MARCHF6: variants seen among roughly 807,000 people sequenced by gnomAD.
MARCHF6 encodes the protein membrane associated ring-CH-type finger 6.
A neutral mutation model predicts 133.7 loss-of-function variants in MARCHF6; 31 were observed. That is an observed-to-expected ratio of 0.23 (90% CI 0.17 to 0.31). The LOEUF is 0.31. Among genes scored for constraint, MARCHF6 ranks in the 10% least tolerant of loss-of-function variants. The pLI is 1.00. For missense variants in MARCHF6, 723 were observed against 1,121.6 expected, an observed-to-expected ratio of 0.64 and a Z score of 5.08; for synonymous variants, 395 against 402.5, an observed-to-expected ratio of 0.98 and a Z score of 0.22.
intron 22 of MARCHF6, among the ~76,000 whole-genome samples, chr5:10,421,482 CT>C (rs1228905114): frequency 1.3e-5 from 2 of 152,210 alleles, no homozygotes; most frequent in African/African-American, 2.4e-5. Flanking sequence ...GAACAGTTTG[CT>C]TTTTCTTAAT....
rs760107187 is a variant in MARCHF6, at chr5:10,397,361, CTT to C, written c.913+27_913+28del. ...TTGTTTTTGGTAAGTTGTGTTTGTG[CTT>C]TTTTTTTTTATAGTATTATGGTAGG... is the stretch of plus-strand genomic sequence containing the variant. On this transcript the variant is annotated intron_variant, in intron 10 of 25. Coordinates refer to ENST00000274140, the MANE Select transcript of MARCHF6 (RefSeq NM_005885.4). 226 of 1,231,746 alleles carry C rather than the reference CTT, an allele frequency of 1.8e-4. No homozygotes were observed. The highest frequency in any genetic ancestry group is 4.1e-4 in the Admixed American group (16 of 38,668). 76.3% of individuals were successfully genotyped at this position (1,231,746 alleles called of 1,614,324 possible).
At chr5:10,394,577 C>A (rs1005205265) in intron 8 of MARCHF6, among the ~76,000 whole-genome samples, 176 bp from the exon 9 acceptor site, 1 of 152,038 alleles carries the variant, frequency 6.6e-6, no homozygotes, top group Non-Finnish European at 1.5e-5. Flanking sequence ...ATAAAACTCT[C>A]ATTCAGAAAC....
chr5:10,409,995 A>G (rs1417971540), intron 17 of MARCHF6, 144 bp from the exon 18 acceptor site: 10 of 840,018 alleles, frequency 1.2e-5, no homozygotes, highest in Non-Finnish European at 1.8e-5. Flanking sequence ...TTGTGGGGAA[A>G]GCCTCACTGA....
intron 4 of MARCHF6, among the ~76,000 whole-genome samples, chr5:10,386,215 G>A (rs954313129): frequency 4.6e-5 from 7 of 151,906 alleles, no homozygotes; most frequent in African/African-American, 1.5e-4. Flanking sequence ...ATTTTGACTT[G>A]GTTTTGAAAA....
intron 20 of MARCHF6, 50 bp downstream of exon 20, chr5:10,414,552 T>C: frequency 1.4e-6 from 2 of 1,418,020 alleles, no homozygotes; most frequent in Non-Finnish European, 2.0e-6. Context: ...AGGTTATTTA[T>C]TTAGCTATTT....
In MARCHF6 at chr5:10,370,373, G is replaced by A. The variant is rs531173499; in HGVS notation, c.20-7425G>A. ...TTGCCTGAGCCTCCCAAAGTGCTGG[G>A]ATTACAAGTGTGAGCTGCCATATCT... On this transcript the variant is annotated intron_variant, in intron 1 of 25. Transcript: ENST00000274140. Among the ~76,000 whole-genome samples the A allele has an allele frequency of 7.5e-4, 114 of 152,016 alleles. 1 individual carries two copies. The South Asian group carries it at 0.019, about 25-fold the overall frequency.
chr5:10,437,761 T>C lies in MARCHF6; in HGVS notation c.*4077T>C, dbSNP rs1331359815. On this transcript the variant is annotated 3_prime_UTR_variant, in exon 26 of 26. Coordinates refer to ENST00000274140, the MANE Select transcript of MARCHF6 (RefSeq NM_005885.4). ...GGTACCCAGACCAATTTTATGTATA[T>C]ATATTCTGAAATGCTCCCTTTTTAA... 1 of 152,206 alleles carries C rather than the reference T, an allele frequency of 6.6e-6. No homozygotes were observed. Among genetic ancestry groups the C allele is most frequent in the African/African-American group, 2.4e-5 (1 of 41,448 alleles). 9.4% of individuals were successfully genotyped at this position (152,206 alleles called of 1,614,324 possible). A position where few individuals can be genotyped will look rare whatever the true frequency, so the allele number is the denominator to read the frequency against.
chr5:10,418,164 A>T (rs144111952), intron 22 of MARCHF6, among the ~76,000 whole-genome samples: 2 of 152,274 alleles, frequency 1.3e-5, no homozygotes, highest in African/African-American at 4.8e-5. Context: ...GGATCACCTG[A>T]GCTCAGGAGT....
At chr5:10,381,772 A>C (rs201344451) in intron 3 of MARCHF6, 28 bp from the exon 4 acceptor site, 124 of 1,544,932 alleles carry the variant, frequency 8.0e-5, no homozygotes, top group Non-Finnish European at 1.1e-4. Context: ...TCTTCATGAA[A>C]CTGTAAGTAC....
At chr5:10,363,382 A>T (rs1735942728) in intron 1 of MARCHF6, among the ~76,000 whole-genome samples, 1 of 152,238 alleles carries the variant, frequency 6.6e-6, no homozygotes, top group Admixed American at 6.5e-5. Context: ...TAAAAAATAC[A>T]TGTACATGGC....
At chr5:10,419,475 T>G (rs746270917) in intron 22 of MARCHF6, among the ~76,000 whole-genome samples, 1 of 152,214 alleles carries the variant, frequency 6.6e-6, no homozygotes, top group African/African-American at 2.4e-5. Context: ...TACAGTGTTT[T>G]CAATTACAGA....
intron 24 of MARCHF6, among the ~76,000 whole-genome samples, chr5:10,429,561 G>A (rs1336136520): frequency 6.6e-6 from 1 of 151,962 alleles, no homozygotes; most frequent in East Asian, 1.9e-4. Flanking sequence ...CACCACACCT[G>A]GCTAATTTTT....
At chr5:10,380,451 G>T (rs950021704) in intron 3 of MARCHF6, among the ~76,000 whole-genome samples, 3 of 152,018 alleles carry the variant, frequency 2.0e-5, no homozygotes, top group Non-Finnish European at 4.4e-5. Flanking sequence ...GAAATATGTG[G>T]GCTTTTACTT....
chr5:10,400,737 A>G (rs1378258210), intron 10 of MARCHF6, 47 bp from the exon 11 acceptor site: 6 of 1,378,794 alleles, frequency 4.4e-6, no homozygotes, highest in Middle Eastern at 1.8e-4. Flanking sequence ...AGGAGTGTTC[A>G]TTGTTTTGAT....
intron 25 of MARCHF6, among the ~76,000 whole-genome samples, chr5:10,430,904 A>G (rs1376632149): frequency 6.6e-6 from 1 of 152,196 alleles, no homozygotes; most frequent in Non-Finnish European, 1.5e-5. Context: ...TTCCTGGGAT[A>G]ATATTTGACC....
chr5:10,397,530 C>T (rs1738266651), intron 10 of MARCHF6, among the ~76,000 whole-genome samples, 186 bp downstream of exon 10: 1 of 151,888 alleles, frequency 6.6e-6, no homozygotes, highest in Admixed American at 6.6e-5. Context: ...TCCTAAGCAG[C>T]AGTGACTGCA....
At chr5:10,390,541 C>G (rs771549255) in intron 6 of MARCHF6, 41 bp downstream of exon 6, 7 of 1,563,310 alleles carry the variant, frequency 4.5e-6, no homozygotes, top group Non-Finnish European at 6.1e-6. Flanking sequence ...TTAGGTAGGT[C>G]ATGAGAATTA....
intron 17 of MARCHF6, among the ~76,000 whole-genome samples, chr5:10,408,838 C>T (rs1366114668): frequency 6.6e-6 from 1 of 152,200 alleles, no homozygotes; most frequent in African/African-American, 2.4e-5. Flanking sequence ...TGTGCCTGGC[C>T]ATCATTCCAT....
At chr5:10,369,971 A>T (rs1251068978) in intron 1 of MARCHF6, among the ~76,000 whole-genome samples, 1 of 152,004 alleles carries the variant, frequency 6.6e-6, no homozygotes, top group African/African-American at 2.4e-5. Context: ...TTTTTGTGTG[A>T]ACATAAGTTT....
Sources: gnomAD v4.1 joint callset for allele counts (sites outside exome capture counted in the v4.1 genomes callset) on GRCh38, gnomAD v4.1.1 for gene constraint, MANE v1.5 for transcripts, NCBI Gene and HGNC (gene_info 2026-07-23, HGNC 2026-07-21) for gene names.